The following SLC26A8 variants were observed in gnomAD, a reference collection of about 807,000 sequenced individuals.
SLC26A8 encodes the protein solute carrier family 26 member 8, also known as testis anion transporter 1.
In SLC26A8, 70 loss-of-function variants were observed where a neutral mutation model predicts 105.0. That is an observed-to-expected ratio of 0.67 (90% CI 0.55 to 0.81). The LOEUF (loss-of-function observed/expected upper bound fraction) is 0.81. SLC26A8 is among the 40% of genes least tolerant of loss of function. The pLI is 0.00. For missense variants in SLC26A8, 998 were observed against 1,181.8 expected, an observed-to-expected ratio of 0.84 and a Z score of 2.28; for synonymous variants, 415 against 438.3, an observed-to-expected ratio of 0.95 and a Z score of 0.66.
chr6:35,980,559 G>A (rs1773228551), intron 8 of SLC26A8, among the ~76,000 whole-genome samples: 1 of 152,036 alleles, frequency 6.6e-6, no homozygotes, highest in African/African-American at 2.4e-5. Flanking sequence ...TTTTCCTGAG[G>A]ACAGAGATCG....
In SLC26A8 at chr6:35,951,583, T is replaced by G. The variant is rs1771875050; in HGVS notation, c.2233-84A>C. On this transcript the variant is annotated intron_variant, in intron 17 of 19. Coordinates refer to ENST00000490799, the MANE Select transcript of SLC26A8 (RefSeq NM_052961.4). ...TAATTAGCTAAGTTTTTGTCTTGTTTTGTTTTGGTTTTTTGTGACAGAGTC... is the reference window on the plus strand; with the variant it reads ...TAATTAGCTAAGTTTTTGTCTTGTTGTGTTTTGGTTTTTTGTGACAGAGTC... 2.0e-6 allele frequency: 3 copies of G among 1,502,230 alleles called. No homozygotes were observed. In the Admixed American group the frequency reaches 5.2e-5, roughly 26 times the overall value. The allele number at this position is 1,502,230 out of a possible 1,614,324, so 93.1% of individuals were successfully genotyped here.
chr6:35,958,142 C>G (rs1343833111), intron 16 of SLC26A8, among the ~76,000 whole-genome samples: 1 of 152,230 alleles, frequency 6.6e-6, no homozygotes, highest in Non-Finnish European at 1.5e-5. Context: ...CAGGCTGATG[C>G]TACCACAAAG....
intron 3 of SLC26A8, among the ~76,000 whole-genome samples, chr6:36,007,409 T>C (rs1028273260): frequency 2.0e-5 from 3 of 152,124 alleles, no homozygotes; most frequent in African/African-American, 7.2e-5. Flanking sequence ...ACGTAGGATC[T>C]CTATGCTGAA....
chr6:35,986,795 A>AT (rs1227189547), intron 7 of SLC26A8, among the ~76,000 whole-genome samples: 1 of 151,812 alleles, frequency 6.6e-6, no homozygotes, highest in African/African-American at 2.4e-5. Context: ...TGTATACCAC[A>AT]TTTTTTTAAA....
intron 3 of SLC26A8, among the ~76,000 whole-genome samples, chr6:36,008,288 T>C (rs1474066089): frequency 6.6e-6 from 1 of 151,496 alleles, no homozygotes; most frequent in Admixed American, 6.6e-5. Flanking sequence ...AGCAAGATCC[T>C]GTCTCTAAAA....
In SLC26A8 at chr6:35,943,843, CT is replaced by C. The variant is rs1336846764; in HGVS notation, c.*56del. ...GTCTAGGTCTCTGGACAATTGACCCCTTTTTGGGTAGGAGGATTTGCCAGCA... is the reference window on the plus strand; with the variant it reads ...GTCTAGGTCTCTGGACAATTGACCCCTTTTGGGTAGGAGGATTTGCCAGCA... On this transcript the variant is annotated 3_prime_UTR_variant, in exon 20 of 20. Transcript: ENST00000490799. 1.9e-6 allele frequency: 3 copies of C among 1,578,288 alleles called. No individual in the cohort carries two copies. Among genetic ancestry groups the C allele is most frequent in the East Asian group, 2.2e-5 (1 of 44,568 alleles).
intron 2 of SLC26A8, among the ~76,000 whole-genome samples, chr6:36,016,772 G>T (rs1314767075): frequency 1.3e-5 from 2 of 152,094 alleles, no homozygotes; most frequent in Admixed American, 1.3e-4. Flanking sequence ...GAATAAAGCT[G>T]GACCTTTACC....
chr6:35,975,460 A>G lies in SLC26A8; in HGVS notation c.1202T>C (p.Val401Ala), dbSNP rs748872669. Reference sequence around the variant, plus strand: ...ACAAGATCTGAAAAATGAACTGACGACATTGCAAAGGCCGATGGCTATTAA... The same window carrying G: ...ACAAGATCTGAAAAATGAACTGACGGCATTGCAAAGGCCGATGGCTATTAA... ...QDLIAIGLCNVVSSFFRSCVF... is the reference protein window; with the variant it reads ...QDLIAIGLCNAVSSFFRSCVF... Residue 401 changes from valine (V) to alanine (A), a missense_variant, in exon 10 of 20, where the codon GTC (valine) becomes GCC (alanine). Coordinates refer to ENST00000490799, the MANE Select transcript of SLC26A8 (RefSeq NM_052961.4). 1.2e-6 allele frequency: 2 copies of G among 1,613,354 alleles called. No individual in the cohort carries two copies. Among genetic ancestry groups the G allele is most frequent in the Admixed American group, 1.7e-5 (1 of 59,952 alleles).
At chr6:35,958,610 G>A (rs1360058755) in intron 16 of SLC26A8, among the ~76,000 whole-genome samples, 2 of 152,186 alleles carry the variant, frequency 1.3e-5, no homozygotes, top group Non-Finnish European at 2.9e-5. Context: ...CCAACATGGT[G>A]AAACCCCTTC....
At chr6:35,979,943 T>C (rs978630072) in intron 8 of SLC26A8, among the ~76,000 whole-genome samples, 1 of 152,206 alleles carries the variant, frequency 6.6e-6, no homozygotes, top group Non-Finnish European at 1.5e-5. Context: ...TTATAAGAGA[T>C]AAGCAAAACT....
intron 10 of SLC26A8, among the ~76,000 whole-genome samples, chr6:35,972,855 A>G (rs1464000869): frequency 6.6e-6 from 1 of 152,202 alleles, no homozygotes; most frequent in Non-Finnish European, 1.5e-5. Flanking sequence ...TGGCCTTTCT[A>G]TTCCCAGAAT....
rs1237673010 is a variant in SLC26A8 at position 35,955,505 on chromosome 6, G to A, written c.1879C>T (p.Arg627Ter). 18 of 1,614,026 alleles carry A rather than the reference G, an allele frequency of 1.1e-5. No individual in the cohort carries two copies. Among genetic ancestry groups the A allele is most frequent in the Non-Finnish European group, 1.4e-5 (17 of 1,179,986 alleles). Residue 627 changes from arginine (R) to a stop codon, truncating the protein, a stop_gained, in exon 17 of 20, where the codon CGA becomes TGA. Coordinates refer to ENST00000490799, the MANE Select transcript of SLC26A8 (RefSeq NM_052961.4). LOFTEE classifies it high-confidence loss of function. ...EPLPRILYTE[R>*]FENKLDPEAS... is the part of the protein sequence containing the mutation. ...TCGGGATCCAGTTTATTTTCAAATC[G>A]CTCTGTGTAAAGAATCTGGGACGAC...
chr6:35,987,905 TTC>T (rs1176415666), intron 7 of SLC26A8, among the ~76,000 whole-genome samples: 1 of 114,264 alleles, frequency 8.8e-6, no homozygotes, highest in Non-Finnish European at 1.7e-5. Context: ...TCAGCAACCT[TTC>T]TTTCTTTTTT....
At chr6:35,968,603 G>GAATA (rs1772619467) in intron 11 of SLC26A8, among the ~76,000 whole-genome samples, 2 of 52,404 alleles carry the variant, frequency 3.8e-5, no homozygotes, top group African/African-American at 1.1e-4. Flanking sequence ...GTGTGTGTGT[G>GAATA]TGTGTGTATA....
rs552690243 is a variant in SLC26A8, at chr6:36,017,534, A to C, written c.188+1986T>G. Among the ~76,000 whole-genome samples, 98 of 152,288 alleles carry C rather than the reference A, an allele frequency of 6.4e-4. 1 individual carries two copies. The highest frequency in any genetic ancestry group is 2.3e-3 in the African/African-American group (95 of 41,550). ...GTAGTCCCCACTACTCAGGAGGCTG[A>C]GGCAGGAGAATTGCTCGAACCTGGG... On this transcript the variant is annotated intron_variant, in intron 2 of 19. Coordinates refer to ENST00000490799, the MANE Select transcript of SLC26A8 (RefSeq NM_052961.4).
intron 8 of SLC26A8, 57 bp from the exon 9 acceptor site, chr6:35,977,408 C>T (rs912310526): frequency 8.0e-5 from 124 of 1,546,908 alleles, no homozygotes; most frequent in African/African-American, 1.2e-4. Context: ...TTGGTACCTC[C>T]GCCACTCTAT....
intron 7 of SLC26A8, chr6:35,990,338 G>T: frequency 1.0e-5 from 3 of 289,860 alleles, no homozygotes; most frequent in South Asian, 1.0e-4. Flanking sequence ...GGTTCTTATT[G>T]AACAAGATGT....
chr6:36,012,836 A>C (rs1761897639), intron 2 of SLC26A8, among the ~76,000 whole-genome samples: 1 of 152,200 alleles, frequency 6.6e-6, no homozygotes. Context: ...TCTTTTGACA[A>C]GGACAGTGTT....
At chr6:35,996,986 G>A (rs145336867) in intron 5 of SLC26A8, among the ~76,000 whole-genome samples, 139 of 151,822 alleles carry the variant, frequency 9.2e-4, no homozygotes, top group African/African-American at 3.2e-3. Context: ...AGTGAGCCAC[G>A]ATTGTCCCAT....
Sources: gnomAD v4.1 joint callset for allele counts (sites outside exome capture counted in the v4.1 genomes callset) on GRCh38, gnomAD v4.1.1 for gene constraint, MANE v1.5 for transcripts, NCBI Gene and HGNC (gene_info 2026-07-23, HGNC 2026-07-21) for gene names.